The following FKBP6 variants were observed in gnomAD, a reference collection of about 807,000 sequenced individuals.
FKBP6 encodes the protein inactive peptidyl-prolyl cis-trans isomerase FKBP6.
A neutral mutation model predicts 41.7 loss-of-function variants in FKBP6; 29 were observed. The ratio of observed to expected loss-of-function variants is 0.70; its 90% CI spans 0.52 to 0.95. FKBP6 has a LOEUF of 0.95. Ranked by LOEUF, FKBP6 falls within the 40% of genes least tolerant of loss-of-function variation. FKBP6 has a pLI of 0.00. For synonymous variants in FKBP6, 130 were observed against 165.1 expected (o/e 0.79, Z 1.63); for missense variants, 338 against 408.7 (o/e 0.83, Z 1.49).
rs2353063 is a variant in FKBP6 at position 73,330,289 on chromosome 7, T to C, written c.405T>C (p.Phe135=). ...TCCCCCCAAACACCACTGTCCTGTT[T>C]GAGATTGAGCTGCTTGACTTCCTGG... The part of the protein sequence containing the change: ...PLIPPNTTVL[F]EIELLDFLDC... The change falls in exon 4 of 9, where the codon TTT becomes TTC. Residue 135 remains phenylalanine, a synonymous_variant. Transcript: ENST00000252037. 4.7e-5 allele frequency: 76 copies of C among 1,606,080 alleles called. No homozygotes were observed. Among genetic ancestry groups the C allele is most frequent in the Non-Finnish European group, 6.2e-5 (73 of 1,172,914 alleles).
intron 5 of FKBP6, among the ~76,000 whole-genome samples, chr7:73,337,769 A>G (rs1381864401): frequency 2.6e-5 from 4 of 151,936 alleles, no homozygotes; most frequent in African/African-American, 7.3e-5. Flanking sequence ...TGTCCAATTC[A>G]GTGGTTTTTA....
rs1805153426 is a variant in FKBP6 at position 73,340,764 on chromosome 7, CTG to C, written c.718_719del (p.Cys240LeufsTer9). 6.2e-7 allele frequency: 1 copy of C among 1,613,886 alleles called. No homozygotes were observed. The highest frequency in any genetic ancestry group is 1.1e-5 in the South Asian group (1 of 91,078). On this transcript the variant is annotated frameshift_variant, in exon 6 of 9. Coordinates refer to ENST00000252037, the MANE Select transcript of FKBP6 (RefSeq NM_003602.5). LOFTEE classifies it high-confidence loss of function. ...YLKLDRPTIALCYGEQALIID... is the reference protein window; with the variant it reads ...YLKLDRPTIAXCYGEQALIID... Reference sequence around the variant, plus strand: ...GAAGCTAGACCGACCCACCATAGCCCTGTGCTATGGAGAGCAGGCTTTGATCA... The same window carrying C: ...GAAGCTAGACCGACCCACCATAGCCCTGCTATGGAGAGCAGGCTTTGATCA...
intron 5 of FKBP6, among the ~76,000 whole-genome samples, chr7:73,337,677 TCATC>T (rs1176409015): frequency 6.6e-6 from 1 of 152,118 alleles, no homozygotes; most frequent in African/African-American, 2.4e-5. Context: ...GGCTCTGCCT[TCATC>T]CATTTTTTTT....
At chr7:73,358,002 A>G (rs10274940) in intron 8 of FKBP6, among the ~76,000 whole-genome samples, 179 bp from the exon 9 acceptor site, 18,326 of 149,108 alleles carry the variant, frequency 0.12, 1,263 homozygotes, top group Middle Eastern at 0.18. Flanking sequence ...AAAAAAAAAA[A>G]GTTTCCCAGA....
intron 8 of FKBP6, among the ~76,000 whole-genome samples, chr7:73,345,525 A>G (rs962093266): frequency 6.6e-6 from 1 of 152,186 alleles, no homozygotes; most frequent in Admixed American, 6.5e-5. Flanking sequence ...GGGGGTATGT[A>G]GAACCCCATG....
rs1451215614 is a variant in FKBP6 at position 73,329,460 on chromosome 7, AG to A, written c.265+12del. ...TGAAACTTGGAGAGGGTAGGTTCAG[AG>A]TGGGAGCTGGAGAAGAAGGAATTGT... On this transcript the variant is annotated intron_variant, in intron 3 of 8. Transcript: ENST00000252037. 4 of 1,498,058 alleles carry A rather than the reference AG, an allele frequency of 2.7e-6. No homozygotes were observed. Among genetic ancestry groups the A allele is most frequent in the Non-Finnish European group, 3.7e-6 (4 of 1,074,190 alleles). 92.8% of individuals were successfully genotyped at this position (1,498,058 alleles called of 1,614,324 possible). A position where few individuals can be genotyped will look rare whatever the true frequency, so the allele number is the denominator to read the frequency against.
chr7:73,338,119 A>G (rs940692231), intron 5 of FKBP6, among the ~76,000 whole-genome samples: 1 of 152,050 alleles, frequency 6.6e-6, no homozygotes, highest in Admixed American at 6.6e-5. Context: ...TCTGCCTCCC[A>G]GGTTCAAGCG....
At chr7:73,343,065 C>A (rs1360999313) in intron 8 of FKBP6, among the ~76,000 whole-genome samples, 166 bp downstream of exon 8, 1 of 152,258 alleles carries the variant, frequency 6.6e-6, no homozygotes, top group Non-Finnish European at 1.5e-5. Flanking sequence ...GCACGTGCTG[C>A]ACGCCTACCT....
Position 73,353,737 on chromosome 7 carries a change from CTT to C in FKBP6, c.*3-4431_*3-4430del, listed in dbSNP as rs143724446. Among the ~76,000 whole-genome samples the C allele has an allele frequency of 5.9e-4, 85 of 144,428 alleles. 1 individual carries two copies. The highest frequency in any genetic ancestry group is 3.6e-3 in the Middle Eastern group (1 of 280). The allele number at this position is 144,428 out of a possible 152,430, so 94.8% of individuals were successfully genotyped here. ...TTATCACAGTATTTCTTTTTTTCTT[CTT>C]TTTTTTTTTTTTGAGGCAAAGTCTC... On this transcript the variant is annotated intron_variant, in intron 8 of 8. Transcript: ENST00000252037.
chr7:73,333,689 C>T (rs782124374), intron 5 of FKBP6, among the ~76,000 whole-genome samples: 1 of 152,352 alleles, frequency 6.6e-6, no homozygotes, highest in South Asian at 2.1e-4. Context: ...GTTTTTTTCT[C>T]AACTTACTCC....
Position 73,330,223 on chromosome 7 carries a change from AC to A in FKBP6, c.341del (p.Pro114ArgfsTer13), listed in dbSNP as rs1554547399. On this transcript the variant is annotated frameshift_variant, in exon 4 of 9. Coordinates refer to ENST00000252037, the MANE Select transcript of FKBP6 (RefSeq NM_003602.5). LOFTEE classifies it high-confidence loss of function. Reference sequence around the variant, plus strand: ...GAGAGCTGGCCAGGTTTCTGTTCAAACCGAACTACGCCTATGGAACGCTGGG... The same window carrying A: ...GAGAGCTGGCCAGGTTTCTGTTCAAACGAACTACGCCTATGGAACGCTGGG... The part of the protein sequence containing the change: ...RGELARFLFK[P>X]NYAYGTLGCP... 1 of 1,613,952 alleles carries A rather than the reference AC, an allele frequency of 6.2e-7. No individual in the cohort carries two copies.
chr7:73,350,622 A>G (rs1210043180), intron 8 of FKBP6, among the ~76,000 whole-genome samples: 2 of 152,102 alleles, frequency 1.3e-5, no homozygotes, highest in East Asian at 3.9e-4. Flanking sequence ...GCCTTGGGGA[A>G]AGAGGATCTT....
intron 3 of FKBP6, 178 bp downstream of exon 3, chr7:73,329,627 C>T: frequency 3.1e-6 from 2 of 645,318 alleles, no homozygotes; most frequent in Non-Finnish European, 5.6e-6. Context: ...TGGGAGATGG[C>T]TTAACGGGCA....
At chr7:73,339,873 A>C (rs953900412) in intron 5 of FKBP6, among the ~76,000 whole-genome samples, 32 of 152,142 alleles carry the variant, frequency 2.1e-4, no homozygotes, top group African/African-American at 7.5e-4. Flanking sequence ...TCAGCCTCCC[A>C]AAGTGCTGGG....
Position 73,340,806 on chromosome 7 carries a change from G to T in FKBP6, c.757G>T (p.Ala253Ser). ...EQALIIDQKN[A>S]KALFRCGQAC... is the part of the protein sequence containing the mutation. ...GGCTTTGATCATTGACCAAAAGAAT[G>T]CCAAGGCCCTCTTCAGGTGTGGACA... is the stretch of plus-strand genomic sequence containing the variant. Residue 253 changes from alanine to serine, a missense_variant, in exon 6 of 9, where the codon GCC becomes TCC. By Grantham distance (99) the Ala-to-Ser change is moderately conservative. Around this residue, in one of 2 missense-constraint regions of FKBP6, gnomAD observed 239 missense variants for 250.1 expected, o/e 0.96. Coordinates refer to ENST00000252037, the MANE Select transcript of FKBP6 (RefSeq NM_003602.5). 1 of 1,613,886 alleles carries T rather than the reference G, an allele frequency of 6.2e-7. No homozygotes were observed. Among genetic ancestry groups the T allele is most frequent in the Non-Finnish European group, 8.5e-7 (1 of 1,179,960 alleles).
intron 5 of FKBP6, among the ~76,000 whole-genome samples, chr7:73,333,511 A>G (rs1804912178): frequency 6.6e-6 from 1 of 152,118 alleles, no homozygotes; most frequent in African/African-American, 2.4e-5. Flanking sequence ...AAACCTCTGG[A>G]GGGTCTTCCA....
At chr7:73,330,437 T>C in intron 4 of FKBP6, 85 bp downstream of exon 4, 1 of 1,080,612 alleles carries the variant, frequency 9.3e-7, no homozygotes, top group Non-Finnish European at 1.4e-6. Flanking sequence ...TGGCCTGCCC[T>C]GAGGCTGATC....
At chr7:73,354,689 G>A (rs574708810) in intron 8 of FKBP6, among the ~76,000 whole-genome samples, 3 of 152,208 alleles carry the variant, frequency 2.0e-5, no homozygotes, top group Non-Finnish European at 2.9e-5. Flanking sequence ...CATTCTCCAC[G>A]TTTACTATGT....
At chr7:73,344,200 A>AC (rs1346210482) in intron 8 of FKBP6, among the ~76,000 whole-genome samples, 2 of 152,088 alleles carry the variant, frequency 1.3e-5, no homozygotes, top group Middle Eastern at 3.2e-3. Flanking sequence ...TTGGACTGTG[A>AC]CCCCACAAGT....
Sources: gnomAD v4.1 joint callset for allele counts (sites outside exome capture counted in the v4.1 genomes callset) on GRCh38, gnomAD v4.1.1 for gene constraint, gnomAD v4.1.1 regional missense constraint, MANE v1.5 for transcripts, NCBI Gene and HGNC (gene_info 2026-07-23, HGNC 2026-07-21) for gene names.